Variants in RAB14 observed in about 807,000 individuals in gnomAD.
RAB14 encodes the protein ras-related protein Rab-14.
Under a neutral mutation model 31.1 loss-of-function variants are expected in RAB14, and 3 were observed. The ratio of observed to expected loss-of-function variants is 0.10; its 90% CI spans 0.04 to 0.25. The LOEUF is 0.25. RAB14 is among the 10% of genes least tolerant of loss of function. RAB14 has a pLI of 1.00. For synonymous variants in RAB14, 85 were observed against 84.9 expected (o/e 1.00, Z 0.00); for missense variants, 111 against 260.1 (o/e 0.43, Z 3.94).
At chr9:121,185,712 C>G (rs1222861183) in intron 5 of RAB14, among the ~76,000 whole-genome samples, 1 of 152,092 alleles carries the variant, frequency 6.6e-6, no homozygotes, top group Non-Finnish European at 1.5e-5. Flanking sequence ...TGAGAACCAG[C>G]TCAACTGCTG....
Position 121,179,623 on chromosome 9 carries a change from C to G in RAB14, c.*1773G>C, listed in dbSNP as rs904024268. On this transcript the variant is annotated 3_prime_UTR_variant, in exon 8 of 8. Coordinates refer to ENST00000373840, the MANE Select transcript of RAB14 (RefSeq NM_016322.4). ...ACTGTAAGTCTTTAACAGAATATACCAATCTACTCCAGAAATCTTATTTTT... is the reference window on the plus strand; with the variant it reads ...ACTGTAAGTCTTTAACAGAATATACGAATCTACTCCAGAAATCTTATTTTT... The G allele has an allele frequency of 2.0e-5, 3 of 152,588 alleles. No homozygotes were observed. Among genetic ancestry groups the G allele is most frequent in the Non-Finnish European group, 4.4e-5 (3 of 68,046 alleles). The allele number at this position is 152,588 out of a possible 1,614,324, so 9.5% of individuals were successfully genotyped here.
intron 1 of RAB14, among the ~76,000 whole-genome samples, chr9:121,197,122 C>A (rs531176531): frequency 6.6e-6 from 1 of 152,178 alleles, no homozygotes; most frequent in East Asian, 1.9e-4. Flanking sequence ...AAATAAAAAT[C>A]AGAGAAAGAG....
In RAB14 at chr9:121,182,474, T is replaced by C. The variant is rs115211297; in HGVS notation, c.470+456A>G. Among the ~76,000 whole-genome samples the C allele has an allele frequency of 3.8e-3, 577 of 152,338 alleles. 5 individuals carry two copies. The highest frequency in any genetic ancestry group is 0.013 in the African/African-American group (520 of 41,576). ...CAATGATGGGTGTACCACAGTTCAA[T>C]AGCAGACATGGAAGAACAATTAGAA... On this transcript the variant is annotated intron_variant, in intron 7 of 7. Coordinates refer to ENST00000373840, the MANE Select transcript of RAB14 (RefSeq NM_016322.4).
Position 121,178,697 on chromosome 9 carries a change from AAT to A in RAB14, c.*2697_*2698del, listed in dbSNP as rs889850508. ...ACGTGTAAACCACCAACCAAAAAAA[AAT>A]AATAAGTTACTCCATCAAACACGTT... On this transcript the variant is annotated 3_prime_UTR_variant, in exon 8 of 8. Transcript: ENST00000373840. 24 of 152,254 alleles carry A rather than the reference AAT, an allele frequency of 1.6e-4. No homozygotes were observed. The highest frequency in any genetic ancestry group is 5.3e-4 in the African/African-American group (22 of 41,420). 9.4% of individuals were successfully genotyped at this position (152,254 alleles called of 1,614,324 possible). A position where few individuals can be genotyped will look rare whatever the true frequency, so the allele number is the denominator to read the frequency against.
chr9:121,193,449 G>C (rs1321723741), intron 1 of RAB14, 30 bp from the exon 2 acceptor site: 4 of 1,461,874 alleles, frequency 2.7e-6, no homozygotes, highest in Non-Finnish European at 3.8e-6. Flanking sequence ...TGTTACTTCA[G>C]AAGGAAAGCA....
intron 1 of RAB14, among the ~76,000 whole-genome samples, chr9:121,196,742 C>T (rs534431835): frequency 6.6e-6 from 1 of 152,148 alleles, no homozygotes; most frequent in South Asian, 2.1e-4. Flanking sequence ...ACATGAATTA[C>T]ATTCAGAGGA....
At chr9:121,191,247 C>G (rs1057207236) in intron 3 of RAB14, among the ~76,000 whole-genome samples, 2 of 152,142 alleles carry the variant, frequency 1.3e-5, no homozygotes, top group African/African-American at 4.8e-5. Flanking sequence ...ACAGATCAAT[C>G]AATGGTCTTG....
At chr9:121,193,544 T>A (rs1007415502) in intron 1 of RAB14, 125 bp from the exon 2 acceptor site, 1 of 638,278 alleles carries the variant, frequency 1.6e-6, no homozygotes, top group Non-Finnish European at 2.7e-6. Context: ...TTACAGTAAG[T>A]CAAAATAAAA....
rs189111540 is a variant in RAB14 at position 121,196,643 on chromosome 9, G to A, written c.-7-3224C>T. The stretch of plus-strand genomic sequence containing the variant: ...ACCACACCATCCTGCCCTCTCCACC[G>A]TCGTGCCTCCTCCACATGGTTATCA... On this transcript the variant is annotated intron_variant, in intron 1 of 7. Coordinates refer to ENST00000373840, the MANE Select transcript of RAB14 (RefSeq NM_016322.4). Among the ~76,000 whole-genome samples the A allele has an allele frequency of 2.3e-3, 349 of 152,102 alleles. 5 individuals are homozygous for A. The highest frequency in any genetic ancestry group is 9.6e-4 in the East Asian group (5 of 5,184).
intron 1 of RAB14, among the ~76,000 whole-genome samples, chr9:121,195,509 GTTGTACTAAT>G: frequency 6.6e-6 from 1 of 152,116 alleles, no homozygotes; most frequent in East Asian, 1.9e-4. Context: ...CCCAATTTTA[GTTGTACTAAT>G]TTGTGTACCT....
At position 121,181,188 on chromosome 9, in the gene RAB14, G is replaced by T; in HGVS notation, c.*208C>A. On this transcript the variant is annotated 3_prime_UTR_variant, in exon 8 of 8. Transcript: ENST00000373840. Reference sequence around the variant, plus strand: ...AAGTCTAGATTTACCATGCAGGAGAGATTTATTACTCTACTTGCCTTTGAT... The same window carrying T: ...AAGTCTAGATTTACCATGCAGGAGATATTTATTACTCTACTTGCCTTTGAT... 1 of 440,860 alleles carries T rather than the reference G, an allele frequency of 2.3e-6. No homozygotes were observed. Among genetic ancestry groups the T allele is most frequent in the Non-Finnish European group, 3.9e-6 (1 of 257,506 alleles). 27.3% of individuals were successfully genotyped at this position (440,860 alleles called of 1,614,324 possible).
Position 121,181,292 on chromosome 9 carries a change from A to T in RAB14, c.*104T>A. 4.2e-6 allele frequency: 5 copies of T among 1,188,862 alleles called. No individual in the cohort carries two copies. Among genetic ancestry groups the T allele is most frequent in the East Asian group, 2.5e-5 (1 of 39,980 alleles). The allele number at this position is 1,188,862 out of a possible 1,614,324, so 73.6% of individuals were successfully genotyped here. A position where few individuals can be genotyped will look rare whatever the true frequency, so the allele number is the denominator to read the frequency against. On this transcript the variant is annotated 3_prime_UTR_variant, in exon 8 of 8. Transcript: ENST00000373840. ...ACAACAGAGTTTTTTCTTTTTTTTT[A>T]ATTAAACCCAGTAAGATGTACAGAA...
chr9:121,197,458 T>C (rs2053724265), intron 1 of RAB14, among the ~76,000 whole-genome samples: 1 of 152,148 alleles, frequency 6.6e-6, no homozygotes, highest in South Asian at 2.1e-4. Flanking sequence ...GCATATTTCT[T>C]TTACTCAACA....
At chr9:121,182,643 A>G (rs1369591646) in intron 7 of RAB14, among the ~76,000 whole-genome samples, 3 of 152,232 alleles carry the variant, frequency 2.0e-5, no homozygotes, top group African/African-American at 7.2e-5. Flanking sequence ...AAACACTGTC[A>G]TTTGGGAAAA....
chr9:121,190,808 A>C, intron 3 of RAB14, 77 bp from the exon 4 acceptor site: 1 of 1,400,620 alleles, frequency 7.1e-7, no homozygotes, highest in Non-Finnish European at 9.9e-7. Flanking sequence ...AAATCCACTA[A>C]ATAAGCAAAT....
chr9:121,186,364 G>A (rs2053659153), intron 5 of RAB14, among the ~76,000 whole-genome samples: 1 of 152,134 alleles, frequency 6.6e-6, no homozygotes, highest in Admixed American at 6.5e-5. Context: ...TAGACTATAA[G>A]CTCTTTGGGA....
chr9:121,199,223 G>C (rs904027452), intron 1 of RAB14, among the ~76,000 whole-genome samples: 1 of 152,156 alleles, frequency 6.6e-6, no homozygotes, highest in African/African-American at 2.4e-5. Flanking sequence ...AAATAATTTG[G>C]CAAGGAGGAG....
At chr9:121,189,448 T>C (rs1242359651) in intron 4 of RAB14, among the ~76,000 whole-genome samples, 1 of 152,092 alleles carries the variant, frequency 6.6e-6, no homozygotes. Flanking sequence ...CATAATACTC[T>C]TGATCATATC....
Position 121,179,168 on chromosome 9 carries a change from C to CTACA in RAB14, c.*2224_*2227dup, listed in dbSNP as rs1447164372. On this transcript the variant is annotated 3_prime_UTR_variant, in exon 8 of 8. Coordinates refer to ENST00000373840, the MANE Select transcript of RAB14 (RefSeq NM_016322.4). ...TTACTTAGTGATGTGGTTTTATATGCTACATACGTAGACCTCTCTTTATAC... is the reference window on the plus strand; with the variant it reads ...TTACTTAGTGATGTGGTTTTATATGCTACATACATACGTAGACCTCTCTTTATAC... 1 of 152,178 alleles carries CTACA rather than the reference C, an allele frequency of 6.6e-6. No individual in the cohort carries two copies. The highest frequency in any genetic ancestry group is 1.5e-5 in the Non-Finnish European group (1 of 68,024). 9.4% of individuals were successfully genotyped at this position (152,178 alleles called of 1,614,324 possible).
Sources: gnomAD v4.1 joint callset for allele counts (sites outside exome capture counted in the v4.1 genomes callset) on GRCh38, gnomAD v4.1.1 for gene constraint, MANE v1.5 for transcripts, NCBI Gene and HGNC (gene_info 2026-07-23, HGNC 2026-07-21) for gene names.